SAMMSON: variants seen among roughly 807,000 people sequenced by gnomAD.
SAMMSON encodes survival associated mitochondrial melanoma specific oncogenic non-coding RNA.
chr3:70,171,534 T>C (rs1700953992), intron 4 of SAMMSON, among the ~76,000 whole-genome samples: 1 of 151,824 alleles, frequency 6.6e-6, no homozygotes. Flanking sequence ...AAATAGAAAA[T>C]CTGAGTATAG....
At chr3:70,352,333 C>T (rs984320870) in intron 7 of SAMMSON, among the ~76,000 whole-genome samples, 2 of 151,876 alleles carry the variant, frequency 1.3e-5, no homozygotes, top group Non-Finnish European at 2.9e-5. Context: ...ATCAGAGAGA[C>T]CATGGAAGCT....
chr3:70,055,163 G>T (rs1338139824), intron 3 of SAMMSON, among the ~76,000 whole-genome samples: 2 of 152,030 alleles, frequency 1.3e-5, no homozygotes, highest in African/African-American at 2.4e-5. Flanking sequence ...TTGGGGTGAA[G>T]AAGAGGATAT....
At chr3:70,387,875 A>T (rs1166597211) in intron 9 of SAMMSON, among the ~76,000 whole-genome samples, 2 of 152,144 alleles carry the variant, frequency 1.3e-5, no homozygotes, top group Non-Finnish European at 2.9e-5. Context: ...TGCCTACATG[A>T]AATTTTACTG....
At chr3:70,148,280 A>G (rs1467029698) in intron 4 of SAMMSON, among the ~76,000 whole-genome samples, 2 of 152,114 alleles carry the variant, frequency 1.3e-5, no homozygotes, top group African/African-American at 4.8e-5. Context: ...CCTAGTAGGT[A>G]TTTACCTTAG....
intron 4 of SAMMSON, among the ~76,000 whole-genome samples, chr3:70,173,679 A>T (rs1023370827): frequency 6.6e-6 from 1 of 151,916 alleles, no homozygotes; most frequent in African/African-American, 2.4e-5. Flanking sequence ...ATCACGAGCC[A>T]AAATGACAAA....
intron 2 of SAMMSON, among the ~76,000 whole-genome samples, chr3:70,416,925 A>C (rs904937150): frequency 6.6e-6 from 1 of 152,160 alleles, no homozygotes; most frequent in Non-Finnish European, 1.5e-5. Context: ...TCTGCATTTG[A>C]GAATGATACT....
intron 4 of SAMMSON, among the ~76,000 whole-genome samples, chr3:70,180,390 CAT>C (rs939685895): frequency 2.8e-4 from 42 of 152,142 alleles, no homozygotes; most frequent in Middle Eastern, 6.8e-3. Context: ...GACAGTTACT[CAT>C]ATATGTGTAA....
At chr3:70,147,518 A>G (rs373168085) in intron 4 of SAMMSON, among the ~76,000 whole-genome samples, 3 of 152,076 alleles carry the variant, frequency 2.0e-5, no homozygotes, top group East Asian at 1.9e-4. Context: ...GAGTATACCA[A>G]CTGAGTTTTT....
chr3:70,000,195 C>T (rs549351984), intron 1 of SAMMSON, among the ~76,000 whole-genome samples: 53 of 152,212 alleles, frequency 3.5e-4, no homozygotes, highest in African/African-American at 1.2e-3. Context: ...ACTGGGGCTT[C>T]GGGAGCTGTA....
At chr3:70,152,483 G>A (rs2067575711) in intron 4 of SAMMSON, among the ~76,000 whole-genome samples, 1 of 151,908 alleles carries the variant, frequency 6.6e-6, no homozygotes, top group Non-Finnish European at 1.5e-5. Context: ...AACAAGTATG[G>A]TTTTTATAAT....
Position 70,009,475 on chromosome 3 carries a change from G to A in SAMMSON, n.23-2882G>A, listed in dbSNP as rs1261791582. On this transcript the variant is annotated intron_variant and non_coding_transcript_variant, in intron 1 of 9. Coordinates refer to ENST00000642114, the Ensembl canonical transcript of SAMMSON. ...GGTAGTTTGTATTTCTGTGGGATCGGTGGTGATATCCCCTTTATCATTTTT... is the reference window on the plus strand; with the variant it reads ...GGTAGTTTGTATTTCTGTGGGATCGATGGTGATATCCCCTTTATCATTTTT... 2.0e-5 allele frequency among the ~76,000 whole-genome samples: 3 copies of A among 152,142 alleles called. No individual in the cohort carries two copies. In the South Asian group the frequency reaches 6.2e-4, roughly 32 times the overall value.
At chr3:70,362,290 G>C (rs1290559317) in intron 9 of SAMMSON, among the ~76,000 whole-genome samples, 7 of 152,110 alleles carry the variant, frequency 4.6e-5, no homozygotes, top group Non-Finnish European at 1.0e-4. Context: ...GAAATTAATT[G>C]ATCTAATAGG....
At chr3:70,367,573 T>G (rs1222018085) in intron 9 of SAMMSON, among the ~76,000 whole-genome samples, 1 of 151,684 alleles carries the variant, frequency 6.6e-6, no homozygotes, top group Non-Finnish European at 1.5e-5. Flanking sequence ...TTTTTATGGC[T>G]GAATTATATT....
chr3:70,419,525 C>T (rs551228177), intron 2 of SAMMSON, among the ~76,000 whole-genome samples: 1 of 152,288 alleles, frequency 6.6e-6, no homozygotes, highest in South Asian at 2.1e-4. Flanking sequence ...TCTGCTAATA[C>T]AACACTGATT....
intron 6 of SAMMSON, among the ~76,000 whole-genome samples, chr3:70,260,362 G>A (rs752805667): frequency 2.6e-5 from 4 of 152,044 alleles, no homozygotes; most frequent in Admixed American, 6.6e-5. Flanking sequence ...ACTCCGGTAC[G>A]ACTTTATCTT....
intron 2 of SAMMSON, among the ~76,000 whole-genome samples, chr3:70,409,777 C>A (rs1559583336): frequency 6.6e-6 from 1 of 152,110 alleles, no homozygotes; most frequent in African/African-American, 2.4e-5. Flanking sequence ...TCTCAGAGTG[C>A]AAGATAGATA....
intron 4 of SAMMSON, among the ~76,000 whole-genome samples, chr3:70,099,198 A>ACC (rs1225657860): frequency 6.6e-6 from 1 of 152,218 alleles, no homozygotes; most frequent in African/African-American, 2.4e-5. Context: ...ATATTTACAC[A>ACC]CAAATATTAT....
chr3:70,426,503 C>A (rs946531205), intron 2 of SAMMSON, among the ~76,000 whole-genome samples: 2 of 152,206 alleles, frequency 1.3e-5, no homozygotes, highest in African/African-American at 4.8e-5. Flanking sequence ...AGCACTTAAA[C>A]TTTTACACTA....
intron 9 of SAMMSON, among the ~76,000 whole-genome samples, chr3:70,359,278 A>C (rs1047312193): frequency 2.6e-5 from 4 of 152,146 alleles, no homozygotes; most frequent in African/African-American, 9.7e-5. Flanking sequence ...AAGAAGCCCA[A>C]GTACTCAAGA....
Sources: allele counts gnomAD v4.1 joint callset (sites outside exome capture counted in the v4.1 genomes callset), GRCh38; gene constraint gnomAD v4.1.1; transcripts MANE v1.5; gene names NCBI Gene and HGNC (gene_info 2026-07-23, HGNC 2026-07-21).